The following PRSS23 variants were observed in gnomAD, a reference collection of about 807,000 sequenced individuals.
PRSS23 encodes protease, serine 23.
A neutral mutation model predicts 34.7 loss-of-function variants in PRSS23; 25 were observed. The observed-to-expected ratio is 0.72, with a 90% CI of 0.53 to 1.01. The LOEUF (loss-of-function observed/expected upper bound fraction) is 1.01. Among genes scored for constraint, PRSS23 ranks in the 50% least tolerant of loss-of-function variants. The probability of loss-of-function intolerance (pLI) is 0.00; values close to 1 mark genes in which losing one functional copy is unlikely to be tolerated. For missense variants in PRSS23, 445 were observed against 475.6 expected, an observed-to-expected ratio of 0.94 and a Z score of 0.60; for synonymous variants, 176 against 186.6, an observed-to-expected ratio of 0.94 and a Z score of 0.46.
chr11:86,893,606 G>T (rs542593828), intron 2 of PRSS23, among the ~76,000 whole-genome samples: 1 of 152,290 alleles, frequency 6.6e-6, no homozygotes, highest in South Asian at 2.1e-4. Flanking sequence ...TATCTACTTA[G>T]CACAGAGATG....
Position 86,865,536 on chromosome 11 carries a change from T to G in PRSS23, c.206+41943T>G, listed in dbSNP as rs376916985. Among the ~76,000 whole-genome samples, 14 of 152,354 alleles carry G rather than the reference T, an allele frequency of 9.2e-5. No individual in the cohort carries two copies. The East Asian group carries it at 2.7e-3, about 29-fold the overall frequency. ...CTCAGTGGCAATGCCAACTGTAGCC[T>G]TCTTTGCCAAAGGACAGGCAGGTAG... On this transcript the variant is annotated intron_variant, in intron 2 of 2. Coordinates refer to the PRSS23 transcript ENST00000533902.
In PRSS23 at chr11:86,860,665, C is replaced by T. The variant is rs146675380; in HGVS notation, c.206+37072C>T. 2.0e-4 allele frequency among the ~76,000 whole-genome samples: 30 copies of T among 151,794 alleles called. No homozygotes were observed. In the East Asian group the frequency reaches 5.1e-3, roughly 26 times the overall value. On this transcript the variant is annotated intron_variant, in intron 2 of 2. Coordinates refer to the PRSS23 transcript ENST00000533902. ...TACTCCCAATATCGCAGTGGGTGTA[C>T]GTTACCCCTGTGTTATAGTTTCTTA...
chr11:86,820,939 C>G (rs1209291658), intron 1 of PRSS23, among the ~76,000 whole-genome samples: 1 of 152,130 alleles, frequency 6.6e-6, no homozygotes, highest in Non-Finnish European at 1.5e-5. Context: ...ATTCTAAAAC[C>G]ATGAGTGCCA....
chr11:86,878,939 A>G (rs1398132794), intron 2 of PRSS23, among the ~76,000 whole-genome samples: 1 of 126,458 alleles, frequency 7.9e-6, no homozygotes, highest in African/African-American at 3.2e-5. Flanking sequence ...GGAAGTGAGG[A>G]GCGTCTCTGC....
chr11:86,885,230 C>T (rs1428731459), intron 2 of PRSS23, among the ~76,000 whole-genome samples: 1 of 152,172 alleles, frequency 6.6e-6, no homozygotes. Context: ...TTAACTATAT[C>T]ATCCCAAGAA....
In PRSS23 at chr11:86,808,829, T is replaced by A; in HGVS notation, c.*34T>A. On this transcript the variant is annotated 3_prime_UTR_variant, in exon 2 of 2. Coordinates refer to ENST00000280258, the MANE Select transcript of PRSS23 (RefSeq NM_007173.6). ...TCCCTCCTGGCAGCAATTAAGGGTC[T>A]TCATGTTCTTATTTTAGGAGAGGCC... is the stretch of plus-strand genomic sequence containing the variant. 1 of 1,547,478 alleles carries A rather than the reference T, an allele frequency of 6.5e-7. No homozygotes were observed. The highest frequency in any genetic ancestry group is 8.7e-7 in the Non-Finnish European group (1 of 1,143,348).
chr11:86,947,687 G>A (rs1237646942), intron 2 of PRSS23: 1 of 152,230 alleles, frequency 6.6e-6, no homozygotes, highest in Non-Finnish European at 1.5e-5. Context: ...TCTCCATAAA[G>A]GAAAGAGGAT....
chr11:86,821,320 A>C, intron 1 of PRSS23: 3 of 654,548 alleles, frequency 4.6e-6, no homozygotes, highest in Non-Finnish European at 7.7e-6. Flanking sequence ...GAAAATAAAC[A>C]TGTGAAAATA....
chr11:86,934,233 A>G (rs373985340), intron 2 of PRSS23: 2 of 152,354 alleles, frequency 1.3e-5, no homozygotes, highest in East Asian at 3.9e-4. Context: ...TTCTTTCAGC[A>G]CACAATAATT....
chr11:86,888,443 T>G (rs987492567), intron 2 of PRSS23, among the ~76,000 whole-genome samples: 1 of 152,170 alleles, frequency 6.6e-6, no homozygotes, highest in Non-Finnish European at 1.5e-5. Context: ...GGAGAATCAC[T>G]CTAAATCCAA....
intron 2 of PRSS23, among the ~76,000 whole-genome samples, chr11:86,852,174 G>A (rs547787912): frequency 6.6e-6 from 1 of 152,288 alleles, no homozygotes; most frequent in African/African-American, 2.4e-5. Context: ...GCACGATGGA[G>A]TCTCAGAGTC....
chr11:86,792,990 G>A (rs1319240604), intron 1 of PRSS23, among the ~76,000 whole-genome samples: 1 of 152,134 alleles, frequency 6.6e-6, no homozygotes, highest in Non-Finnish European at 1.5e-5. Context: ...CAGGTAGCTG[G>A]GACTACAAGC....
At chr11:86,907,790 T>C (rs893753830) in intron 2 of PRSS23, among the ~76,000 whole-genome samples, 1 of 152,176 alleles carries the variant, frequency 6.6e-6, no homozygotes, top group African/African-American at 2.4e-5. Flanking sequence ...AGTGCCGTCG[T>C]TTTAACTGTA....
exon 3 of PRSS23, chr11:86,951,306 A>T: frequency 1.9e-6 from 3 of 1,614,186 alleles, no homozygotes; most frequent in Non-Finnish European, 2.5e-6. Context: ...ACCAACAAAG[A>T]CATAAAAATT....
intron 2 of PRSS23, among the ~76,000 whole-genome samples, chr11:86,944,041 C>T (rs1949224040): frequency 6.6e-6 from 1 of 151,992 alleles, no homozygotes; most frequent in African/African-American, 2.4e-5. Flanking sequence ...GCGCCTCGCC[C>T]ATAGGAATTT....
At chr11:86,868,421 T>C (rs1948664817) in intron 2 of PRSS23, among the ~76,000 whole-genome samples, 2 of 152,024 alleles carry the variant, frequency 1.3e-5, no homozygotes, top group South Asian at 4.2e-4. Context: ...AGGTTATAAA[T>C]GTTGTTGAAA....
intron 2 of PRSS23, among the ~76,000 whole-genome samples, chr11:86,918,873 T>C (rs1377963850): frequency 6.6e-6 from 1 of 152,194 alleles, no homozygotes; most frequent in African/African-American, 2.4e-5. Flanking sequence ...ACAAAGCTCT[T>C]TGAATTTATT....
At chr11:86,826,599 T>G (rs1291583506) in intron 2 of PRSS23, among the ~76,000 whole-genome samples, 1 of 152,244 alleles carries the variant, frequency 6.6e-6, no homozygotes, top group East Asian at 1.9e-4. Context: ...TTCCAATTTC[T>G]GCCCATTCAG....
chr11:86,920,774 G>A (rs1949042898), intron 2 of PRSS23, among the ~76,000 whole-genome samples: 1 of 152,008 alleles, frequency 6.6e-6, no homozygotes, highest in Non-Finnish European at 1.5e-5. Flanking sequence ...AAAAATTCAT[G>A]TTCTGTCTTC....
Sources: allele counts gnomAD v4.1 joint callset (sites outside exome capture counted in the v4.1 genomes callset), GRCh38; gene constraint gnomAD v4.1.1; transcripts MANE v1.5; gene names NCBI Gene and HGNC (gene_info 2026-07-23, HGNC 2026-07-21).